Variants in RBFOX1 observed in about 807,000 individuals in gnomAD.
RBFOX1 encodes the protein RNA binding protein fox-1 homolog 1.
RBFOX1 carries 8 observed loss-of-function variants against 57.7 expected under a neutral mutation model. That is an observed-to-expected ratio of 0.14 (90% CI 0.08 to 0.25). The LOEUF is 0.25. Among genes scored for constraint, RBFOX1 ranks in the 10% least tolerant of loss-of-function variants. RBFOX1 has a pLI of 1.00. For synonymous variants in RBFOX1, 326 were observed against 222.4 expected, an observed-to-expected ratio of 1.47 and a Z score of -4.15; for missense variants, 611 against 548.5, an observed-to-expected ratio of 1.11 and a Z score of -1.14.
chr16:5,804,079 C>G (rs948854479), intron 3 of RBFOX1, among the ~76,000 whole-genome samples: 4 of 152,164 alleles, frequency 2.6e-5, no homozygotes, highest in African/African-American at 4.8e-5. Flanking sequence ...AATGATTACC[C>G]AAGTACATGT....
chr16:5,804,939 C>T (rs2055179576), intron 3 of RBFOX1, among the ~76,000 whole-genome samples: 1 of 152,120 alleles, frequency 6.6e-6, no homozygotes, highest in South Asian at 2.1e-4. Flanking sequence ...ATTTCTCTGA[C>T]AGGTTTTTAA....
intron 8 of RBFOX1, 48 bp from the exon 9 acceptor site, chr16:7,597,323 G>C (rs1471021961): frequency 2.2e-6 from 3 of 1,394,628 alleles, no homozygotes; most frequent in Non-Finnish European, 3.0e-6. Flanking sequence ...AATTGAATTG[G>C]GAGCTGGCCC....
chr16:5,526,300 G>A (rs75151906), intron 2 of RBFOX1, among the ~76,000 whole-genome samples: 49 of 49,120 alleles, frequency 1.0e-3, no homozygotes, highest in Non-Finnish European at 1.9e-3. Flanking sequence ...TATTATTATT[G>A]TTATTTGAAA....
chr16:5,254,521 C>G (rs2062534027), intron 1 of RBFOX1, among the ~76,000 whole-genome samples: 1 of 152,188 alleles, frequency 6.6e-6, no homozygotes, highest in African/African-American at 2.4e-5. Context: ...ATCTTGTGGT[C>G]TGCCATGCCC....
chr16:6,630,397 A>G (rs1465040858), intron 2 of RBFOX1, among the ~76,000 whole-genome samples: 1 of 152,150 alleles, frequency 6.6e-6, no homozygotes, highest in Non-Finnish European at 1.5e-5. Context: ...ATGATACTCA[A>G]AAGAAAGTGA....
intron 4 of RBFOX1, among the ~76,000 whole-genome samples, chr16:7,452,694 T>G (rs999498678): frequency 3.9e-5 from 6 of 152,216 alleles, no homozygotes; most frequent in Non-Finnish European, 5.9e-5. Flanking sequence ...TAGGCTACAC[T>G]GCTTAAAACC....
intron 1 of RBFOX1, among the ~76,000 whole-genome samples, chr16:5,439,689 C>A (rs554107748): frequency 6.6e-6 from 1 of 152,068 alleles, no homozygotes; most frequent in Non-Finnish European, 1.5e-5. Flanking sequence ...AAGTGATTCA[C>A]CCGCCTTGAC....
In RBFOX1 at chr16:6,078,027, T is replaced by G. The variant is rs2095936131; in HGVS notation, c.-127+58035T>G. On this transcript the variant is annotated intron_variant, in intron 1 of 15. Transcript: ENST00000550418. ...TGTATCTGAATCTGAGACTGAACAT[T>G]TTGTTGGTAACACACCAGTTATCAG... is the stretch of plus-strand genomic sequence containing the variant. Among the ~76,000 whole-genome samples the G allele has an allele frequency of 2.6e-5, 4 of 152,244 alleles. No homozygotes were observed. In the South Asian group the frequency reaches 8.3e-4, roughly 32 times the overall value.
At chr16:6,616,059 C>A (rs1017365272) in intron 2 of RBFOX1, among the ~76,000 whole-genome samples, 1 of 152,142 alleles carries the variant, frequency 6.6e-6, no homozygotes, top group African/African-American at 2.4e-5. Flanking sequence ...AGACTGTCAT[C>A]GGTGTGGAGG....
At chr16:7,091,347 A>C (rs1189637843) in intron 4 of RBFOX1, among the ~76,000 whole-genome samples, 1 of 150,994 alleles carries the variant, frequency 6.6e-6, no homozygotes, top group Non-Finnish European at 1.5e-5. Context: ...TTCACACTTC[A>C]TCCTCACCTT....
chr16:6,440,658 G>C (rs1464562486), intron 2 of RBFOX1, among the ~76,000 whole-genome samples: 1 of 151,996 alleles, frequency 6.6e-6, no homozygotes, highest in African/African-American at 2.4e-5. Flanking sequence ...AAAATTAGCT[G>C]GGTGTGGTAC....
chr16:6,143,981 A>ATATATATATC (rs988042921), intron 1 of RBFOX1, among the ~76,000 whole-genome samples: 32 of 149,792 alleles, frequency 2.1e-4, no homozygotes, highest in African/African-American at 7.4e-4. Context: ...ATATATATAT[A>ATATATATATC]TCTCTACCTA....
chr16:5,985,272 A>G lies in RBFOX1; in HGVS notation c.351+117937A>G, dbSNP rs372882014. 2.0e-3 allele frequency among the ~76,000 whole-genome samples: 303 copies of G among 151,886 alleles called. 1 individual carries two copies. The highest frequency in any genetic ancestry group is 3.5e-3 in the African/African-American group (147 of 41,436). On this transcript the variant is annotated intron_variant, in intron 4 of 19. Transcript: ENST00000641259. ...CTCCCAAAGTGGTGGGATTACAGGC[A>G]TGAGTCATCATGTCCGGCCAACTCC...
chr16:7,522,962 C>G (rs1206977915), intron 5 of RBFOX1, among the ~76,000 whole-genome samples: 1 of 152,172 alleles, frequency 6.6e-6, no homozygotes, highest in African/African-American at 2.4e-5. Flanking sequence ...ATCTCAAAGT[C>G]TTTTCTTGCT....
chr16:7,005,998 A>T (rs972083358), intron 3 of RBFOX1, among the ~76,000 whole-genome samples: 1 of 152,160 alleles, frequency 6.6e-6, no homozygotes, highest in Non-Finnish European at 1.5e-5. Flanking sequence ...CAAATCCTCT[A>T]AGAAGCTGGA....
rs147121315 is a variant in RBFOX1 at position 6,449,522 on chromosome 16, C to G, written c.-64+132465C>G. Among the ~76,000 whole-genome samples, 107 of 152,238 alleles carry G rather than the reference C, an allele frequency of 7.0e-4. 1 individual carries two copies. The highest frequency in any genetic ancestry group is 2.6e-3 in the African/African-American group (106 of 41,558). On this transcript the variant is annotated intron_variant, in intron 2 of 15. Coordinates refer to ENST00000550418, the MANE Select transcript of RBFOX1 (RefSeq NM_018723.4). ...CTGAGTGGTTTTATTTTCCTAGAAA[C>G]AGCTGCTTCCTTTCAGTTGGCTGAA... is the stretch of plus-strand genomic sequence containing the variant.
chr16:6,434,210 C>G (rs1400286385), intron 2 of RBFOX1, among the ~76,000 whole-genome samples: 1 of 152,178 alleles, frequency 6.6e-6, no homozygotes, highest in African/African-American at 2.4e-5. Context: ...ATCTCCCCAG[C>G]TCAATATCCC....
upstream of RBFOX1, among the ~76,000 whole-genome samples, chr16:6,016,834 C>T (rs920319934): frequency 6.6e-5 from 10 of 152,064 alleles, no homozygotes; most frequent in Non-Finnish European, 1.0e-4. Context: ...ACTTGGAATG[C>T]GAAAGGTCAT....
intron 3 of RBFOX1, among the ~76,000 whole-genome samples, chr16:5,773,782 C>A (rs984294244): frequency 6.6e-6 from 1 of 151,960 alleles, no homozygotes; most frequent in Non-Finnish European, 1.5e-5. Flanking sequence ...ACTGCAACCT[C>A]CATCTTCCAG....
Sources: gnomAD v4.1 joint callset for allele counts (sites outside exome capture counted in the v4.1 genomes callset) on GRCh38, gnomAD v4.1.1 for gene constraint, MANE v1.5 for transcripts, NCBI Gene and HGNC (gene_info 2026-07-23, HGNC 2026-07-21) for gene names.